Variants in PRMT8 observed in about 807,000 individuals in gnomAD.
The protein encoded by PRMT8 is protein arginine methyltransferase 8.
Under a neutral mutation model 47.1 loss-of-function variants are expected in PRMT8, and 7 were observed. That is an observed-to-expected ratio of 0.15 (90% confidence interval 0.08 to 0.28). The LOEUF (loss-of-function observed/expected upper bound fraction) is 0.28, where lower values mean the gene tolerates loss of function less well. Ranked by LOEUF, PRMT8 falls within the 10% of genes least tolerant of loss-of-function variation. The pLI is 1.00. For synonymous variants in PRMT8, 188 were observed against 186.5 expected, an observed-to-expected ratio of 1.01 and a Z score of -0.07; for missense variants, 237 against 505.4, an observed-to-expected ratio of 0.47 and a Z score of 5.09.
chr12:3,441,268 A>G (rs1482886024), intron 1 of PRMT8, among the ~76,000 whole-genome samples: 1 of 152,190 alleles, frequency 6.6e-6, no homozygotes, highest in Non-Finnish European at 1.5e-5. Flanking sequence ...CATCTCTTTA[A>G]AAGTATTTTG....
At chr12:3,575,912 G>A (rs11062728) in intron 6 of PRMT8, among the ~76,000 whole-genome samples, 16,995 of 152,198 alleles carry the variant, frequency 0.11, 1,103 homozygotes, top group Non-Finnish European at 0.15. Context: ...CCAGCTACTC[G>A]GGAGGCTGAG....
intron 7 of PRMT8, among the ~76,000 whole-genome samples, chr12:3,577,278 A>G (rs988270312): frequency 6.6e-6 from 1 of 152,178 alleles, no homozygotes; most frequent in Non-Finnish European, 1.5e-5. Flanking sequence ...GCAGGAGAGG[A>G]CACCTGGAAG....
At chr12:3,487,005 A>C, upstream of PRMT8, among the ~76,000 whole-genome samples, 1 of 152,156 alleles carries the variant, frequency 6.6e-6, no homozygotes, top group East Asian at 1.9e-4. Flanking sequence ...GTTAGGGAGG[A>C]ATAGGACCAC....
At chr12:3,393,451 C>T (rs1386469643) in intron 1 of PRMT8, among the ~76,000 whole-genome samples, 2 of 151,206 alleles carry the variant, frequency 1.3e-5, no homozygotes, top group Admixed American at 6.6e-5. Flanking sequence ...GTTTTCCCAG[C>T]ACCATTTATT....
At chr12:3,495,496 T>A (rs1396001465) in intron 1 of PRMT8, among the ~76,000 whole-genome samples, 1 of 152,202 alleles carries the variant, frequency 6.6e-6, no homozygotes, top group African/African-American at 2.4e-5. Context: ...AAGACCCAGC[T>A]CAAACGTTAC....
intron 1 of PRMT8, among the ~76,000 whole-genome samples, chr12:3,403,892 AAAAAAAG>A (rs1169914603): frequency 2.0e-5 from 3 of 149,572 alleles, no homozygotes; most frequent in Admixed American, 1.4e-4. Context: ...AAAAAAAAAA[AAAAAAAG>A]AGAGAGAAAA....
At chr12:3,592,409 C>G in intron 9 of PRMT8, 57 bp downstream of exon 9, 1 of 1,554,654 alleles carries the variant, frequency 6.4e-7, no homozygotes, top group Non-Finnish European at 8.6e-7. Context: ...AGCTGGCTCG[C>G]TCAGGACCCA....
rs117752629 is a variant in PRMT8 at position 3,584,511 on chromosome 12, A to G, written c.979+1303A>G. On this transcript the variant is annotated intron_variant, in intron 8 of 9. Transcript: ENST00000382622. ...TCGATGTCCTCAGGGTGAACCTAACATCTCGTGCATGTGCCTGGCATGGTG... is the reference window on the plus strand; with the variant it reads ...TCGATGTCCTCAGGGTGAACCTAACGTCTCGTGCATGTGCCTGGCATGGTG... Among the ~76,000 whole-genome samples the G allele has an allele frequency of 8.6e-4, 131 of 152,314 alleles. 1 individual carries two copies. The highest frequency in any genetic ancestry group is 3.3e-3 in the East Asian group (17 of 5,182).
rs895503913 is a variant in PRMT8 at position 3,514,162 on chromosome 12, T to A, written c.75+22462T>A. On this transcript the variant is annotated intron_variant, in intron 1 of 9. Coordinates refer to ENST00000382622, the MANE Select transcript of PRMT8 (RefSeq NM_019854.5). The surrounding 1 kb of genome is among the most constrained non-coding windows in gnomAD (Gnocchi z 5.9). ...CAGGCTGTGAGCCCTGACTGTTCCA[T>A]GTGTCAGGCTGCCGTGCAGATGTTC... Among the ~76,000 whole-genome samples the A allele has an allele frequency of 2.0e-5, 3 of 151,244 alleles. No homozygotes were observed. The highest frequency in any genetic ancestry group is 7.3e-5 in the African/African-American group (3 of 41,158).
In PRMT8 at chr12:3,570,874, G is replaced by A. The variant is rs1866832600; in HGVS notation, c.712+1310G>A. ...GTGATTTCCACTATTTGACCTCCTG[G>A]GGGAAGGAGGCAAAATACCAAATGA... On this transcript the variant is annotated intron_variant, in intron 6 of 9. Coordinates refer to ENST00000382622, the MANE Select transcript of PRMT8 (RefSeq NM_019854.5). This position sits in a 1 kb window ranked among gnomAD's most constrained non-coding sequence, Gnocchi z 5.5. Among the ~76,000 whole-genome samples the A allele has an allele frequency of 6.6e-6, 1 of 152,138 alleles. No homozygotes were observed.
At chr12:3,425,275 T>C (rs1864591407) in intron 1 of PRMT8, among the ~76,000 whole-genome samples, 1 of 152,256 alleles carries the variant, frequency 6.6e-6, no homozygotes, top group Non-Finnish European at 1.5e-5. Flanking sequence ...GGGGGGTCTT[T>C]ATGTTTAGGT....
chr12:3,544,867 G>T (rs1165184956), intron 2 of PRMT8, among the ~76,000 whole-genome samples: 1 of 152,188 alleles, frequency 6.6e-6, no homozygotes, highest in Non-Finnish European at 1.5e-5. Flanking sequence ...CACAATAGCT[G>T]GGAGCTTACA....
chr12:3,403,927 T>C lies in PRMT8; in HGVS notation c.48+22485T>C, dbSNP rs1234968139. Among the ~76,000 whole-genome samples, 6 of 147,530 alleles carry C rather than the reference T, an allele frequency of 4.1e-5. No homozygotes were observed. In the East Asian group the frequency reaches 1.2e-3, roughly 29 times the overall value. On this transcript the variant is annotated intron_variant, in intron 1 of 9. Coordinates refer to the PRMT8 transcript ENST00000452611. ...AGAGAAAAAATGCTGTCTTTAAAAA[T>C]TGCTATTTCAGGATATCTGGTGACA...
At chr12:3,513,005 C>T (rs945997391) in intron 1 of PRMT8, among the ~76,000 whole-genome samples, 1 of 152,142 alleles carries the variant, frequency 6.6e-6, no homozygotes, top group African/African-American at 2.4e-5. Context: ...GTAACTTGCT[C>T]ATCATGTGAC....
In PRMT8 at chr12:3,593,231, G is replaced by A. The variant is rs774786624; in HGVS notation, c.*49G>A. 1.4e-5 allele frequency: 20 copies of A among 1,469,778 alleles called. No individual in the cohort carries two copies. Among genetic ancestry groups the A allele is most frequent in the Middle Eastern group, 1.7e-4 (1 of 5,788 alleles). 91.0% of individuals were successfully genotyped at this position (1,469,778 alleles called of 1,614,324 possible). On this transcript the variant is annotated 3_prime_UTR_variant, in exon 10 of 10. Coordinates refer to ENST00000382622, the MANE Select transcript of PRMT8 (RefSeq NM_019854.5). The surrounding 1 kb of genome is among the most constrained non-coding windows in gnomAD (Gnocchi z 4.8). ...CAACGAGAAAAGGAACTCTCACCTC[G>A]ATCTGCCGTGCCGTCCCAAAGAATA...
chr12:3,389,725 G>T (rs1864174216), intron 1 of PRMT8, among the ~76,000 whole-genome samples: 1 of 152,202 alleles, frequency 6.6e-6, no homozygotes, highest in South Asian at 2.1e-4. Flanking sequence ...AAATTATGCG[G>T]CTGCTTGGGA....
chr12:3,572,213 A>G lies in PRMT8; in HGVS notation c.712+2649A>G, dbSNP rs1866858795. Among the ~76,000 whole-genome samples the G allele has an allele frequency of 6.6e-6, 1 of 152,204 alleles. No individual in the cohort carries two copies. Among genetic ancestry groups the G allele is most frequent in the Non-Finnish European group, 1.5e-5 (1 of 68,032 alleles). ...AGAGACAGAGATAAATATCTGGCAT[A>G]TACTAGGCTCACAATACATAATTTT... is the stretch of plus-strand genomic sequence containing the variant. On this transcript the variant is annotated intron_variant, in intron 6 of 9. Coordinates refer to ENST00000382622, the MANE Select transcript of PRMT8 (RefSeq NM_019854.5). The surrounding 1 kb of genome is among the most constrained non-coding windows in gnomAD (Gnocchi z 5.9).
intron 1 of PRMT8, among the ~76,000 whole-genome samples, chr12:3,440,127 A>G (rs942547854): frequency 2.6e-5 from 4 of 152,188 alleles, no homozygotes; most frequent in Admixed American, 6.5e-5. Context: ...CAAAATGAAG[A>G]TATTAGACCT....
chr12:3,552,335 C>T lies in PRMT8; in HGVS notation c.418-1316C>T, dbSNP rs997178922. On this transcript the variant is annotated intron_variant, in intron 3 of 9. Transcript: ENST00000382622. This position sits in a 1 kb window ranked among gnomAD's most constrained non-coding sequence, Gnocchi z 4.5. ...AAATGAGGAGGGAAGGACACCGCCC[C>T]GCACTCTGAGTGTTGAGCAAGCTTC... The T allele has an allele frequency of 1.9e-5, 3 of 159,878 alleles. No homozygotes were observed. Among genetic ancestry groups the T allele is most frequent in the African/African-American group, 7.2e-5 (3 of 41,702 alleles). The allele number at this position is 159,878 out of a possible 1,614,324, so 9.9% of individuals were successfully genotyped here.
Sources: gnomAD v4.1 joint callset for allele counts (sites outside exome capture counted in the v4.1 genomes callset) on GRCh38, gnomAD v4.1.1 for gene constraint, Gnocchi (gnomAD v3.1) non-coding constraint, MANE v1.5 for transcripts, NCBI Gene and HGNC (gene_info 2026-07-23, HGNC 2026-07-21) for gene names.